The following ASB2 variants were observed in gnomAD, a reference collection of about 807,000 sequenced individuals.
The protein encoded by ASB2 is ankyrin repeat and SOCS box containing 2.
In ASB2, 58 loss-of-function variants were observed where a neutral mutation model predicts 62.4. The observed-to-expected ratio is 0.93, with a 90% CI of 0.75 to 1.16. The LOEUF (loss-of-function observed/expected upper bound fraction) is 1.16, where lower values mean the gene tolerates loss of function less well. Ranked by LOEUF, ASB2 falls within the 50% of genes most tolerant of loss-of-function variation. The pLI, the probability that ASB2 is intolerant of heterozygous loss-of-function variation, is 0.00. For synonymous variants in ASB2, 386 were observed against 385.3 expected (o/e 1.00, Z -0.02); for missense variants, 928 against 887.9 (o/e 1.05, Z -0.57).
Position 93,937,745 on chromosome 14 carries a change from T to C in ASB2, c.1724A>G (p.Glu575Gly). 1 of 1,613,098 alleles carries C rather than the reference T, an allele frequency of 6.2e-7. No individual in the cohort carries two copies. Among genetic ancestry groups the C allele is most frequent in the Non-Finnish European group, 8.5e-7 (1 of 1,179,098 alleles). ...GNVQLCSRLKEHIDSFEDWAV... is the reference protein window; with the variant it reads ...GNVQLCSRLKGHIDSFEDWAV... ...CCAGTCCTCAAAGCTGTCGATGTGT[T>C]CCTTCAGCCGCGAGCAGAGCTGCAC... The change falls in exon 9 of 10, where the codon GAA becomes GGA. Residue 575 changes from glutamate (E) to glycine (G), a missense_variant. Coordinates refer to ENST00000555019, the MANE Select transcript of ASB2 (RefSeq NM_001202429.2).
At chr14:93,964,707 A>G (rs1176103630) in intron 1 of ASB2, 95 bp from the exon 2 acceptor site, 6 of 640,620 alleles carry the variant, frequency 9.4e-6, no homozygotes, top group Non-Finnish European at 1.1e-5. Context: ...TGACAGTAAC[A>G]CATTCATTTC....
intron 3 of ASB2, 112 bp from the exon 4 acceptor site, chr14:93,954,595 TC>T: frequency 1.0e-6 from 1 of 959,452 alleles, no homozygotes; most frequent in Non-Finnish European, 1.6e-6. Context: ...CCCTGCTGGT[TC>T]CAGGATGAGC....
chr14:93,934,583 G>A lies in ASB2; in HGVS notation c.*73C>T. On this transcript the variant is annotated 3_prime_UTR_variant, in exon 10 of 10. Coordinates refer to ENST00000555019, the MANE Select transcript of ASB2 (RefSeq NM_001202429.2). ...TCGTCTGTCACCAGGTCCCCTTGGA[G>A]TTGGGAACACCGACGTCCTGAGACT... 2 of 1,524,994 alleles carry A rather than the reference G, an allele frequency of 1.3e-6. No homozygotes were observed. The highest frequency in any genetic ancestry group is 9.0e-7 in the Non-Finnish European group (1 of 1,108,004). 94.5% of individuals were successfully genotyped at this position (1,524,994 alleles called of 1,614,324 possible).
chr14:93,962,438 G>A (rs1170889065), intron 2 of ASB2, among the ~76,000 whole-genome samples: 1 of 152,118 alleles, frequency 6.6e-6, no homozygotes, highest in Non-Finnish European at 1.5e-5. Flanking sequence ...GCGCAGAACC[G>A]AACCTAGGAG....
chr14:93,955,913 T>C (rs1271700452), intron 3 of ASB2, among the ~76,000 whole-genome samples: 1 of 151,954 alleles, frequency 6.6e-6, no homozygotes, highest in African/African-American at 2.4e-5. Context: ...ATGCAGGAGG[T>C]GGCAGTAGCT....
chr14:93,947,562 G>T (rs1233061124), intron 6 of ASB2, 42 bp from the exon 7 acceptor site: 1 of 1,604,844 alleles, frequency 6.2e-7, no homozygotes, highest in Non-Finnish European at 8.5e-7. Context: ...AAGTGACCGG[G>T]AAGTTGCTGT....
chr14:93,939,876 T>A, intron 7 of ASB2: 1 of 461,234 alleles, frequency 2.2e-6, no homozygotes, highest in Non-Finnish European at 3.8e-6. Flanking sequence ...CCGTCTCCGC[T>A]TTACAGATAA....
At position 93,939,662 on chromosome 14, in the gene ASB2, T is replaced by A; in HGVS notation, c.1063A>T (p.Met355Leu). Residue 355 changes from methionine to leucine, a missense_variant, in exon 8 of 10, where the codon ATG (methionine) becomes TTG (leucine). By Grantham distance (15) the Met-to-Leu change is conservative. Coordinates refer to ENST00000555019, the MANE Select transcript of ASB2 (RefSeq NM_001202429.2). ...SKKGNYRIVQMLLPVTSRTRI... is the reference protein window; with the variant it reads ...SKKGNYRIVQLLLPVTSRTRI... Reference sequence around the variant, plus strand: ...GTGCGGCTGGTCACCGGCAGCAGCATCTGCACGATCCTGCCGGGTCGAGGG... The same window carrying A: ...GTGCGGCTGGTCACCGGCAGCAGCAACTGCACGATCCTGCCGGGTCGAGGG... 6.7e-7 allele frequency: 1 copy of A among 1,499,700 alleles called. No individual in the cohort carries two copies. The highest frequency in any genetic ancestry group is 8.8e-7 in the Non-Finnish European group (1 of 1,131,784). The allele number at this position is 1,499,700 out of a possible 1,614,324, so 92.9% of individuals were successfully genotyped here. A position where few individuals can be genotyped will look rare whatever the true frequency, so the allele number is the denominator to read the frequency against.
At chr14:93,944,635 G>T (rs1237199122) in intron 7 of ASB2, among the ~76,000 whole-genome samples, 1 of 152,256 alleles carries the variant, frequency 6.6e-6, no homozygotes, top group Non-Finnish European at 1.5e-5. Flanking sequence ...GGCAGAAGCT[G>T]CTGGGAACCA....
intron 7 of ASB2, chr14:93,943,940 T>G (rs1417538898): frequency 4.4e-6 from 2 of 455,958 alleles, no homozygotes; most frequent in East Asian, 1.4e-4. Flanking sequence ...AAAAGTGTTA[T>G]ATGTTGGAAC....
intron 5 of ASB2, among the ~76,000 whole-genome samples, chr14:93,952,322 C>T (rs1164715501): frequency 6.6e-6 from 1 of 152,188 alleles, no homozygotes; most frequent in Non-Finnish European, 1.5e-5. Flanking sequence ...CTGGGCACTC[C>T]CTTTGGACAG....
At chr14:93,960,297 C>G (rs1012739216) in intron 2 of ASB2, among the ~76,000 whole-genome samples, 2 of 152,188 alleles carry the variant, frequency 1.3e-5, no homozygotes, top group Non-Finnish European at 2.9e-5. Flanking sequence ...CCTGCTGTGT[C>G]ATCAGGTAGT....
intron 6 of ASB2, chr14:93,948,084 G>A (rs982173801): frequency 1.3e-5 from 2 of 152,644 alleles, no homozygotes; most frequent in African/African-American, 4.8e-5. Context: ...GATGATGCTG[G>A]TTTTTCCTGA....
At chr14:93,942,922 A>G (rs370119696) in intron 7 of ASB2, among the ~76,000 whole-genome samples, 68 of 152,330 alleles carry the variant, frequency 4.5e-4, no homozygotes, top group African/African-American at 1.6e-3. Flanking sequence ...GGTTGCTGTG[A>G]GCACTTTACC....
chr14:93,939,486 G>A lies in ASB2; in HGVS notation c.1239C>T (p.Ser413=), dbSNP rs947857931. 1 of 1,611,318 alleles carries A rather than the reference G, an allele frequency of 6.2e-7. No individual in the cohort carries two copies. The highest frequency in any genetic ancestry group is 1.1e-5 in the South Asian group (1 of 90,982). The part of the protein sequence containing the change: ...RARLYEDRRS[S]ALYFAVVNNN... ...TGTTGACCACCGCGAAGTACAGCGCGGAGCTGCGCCGGTCTTCGTAGAGGC... is the reference window on the plus strand; with the variant it reads ...TGTTGACCACCGCGAAGTACAGCGCAGAGCTGCGCCGGTCTTCGTAGAGGC... Residue 413 remains serine, a synonymous_variant, in exon 8 of 10, where the codon TCC becomes TCT. Coordinates refer to ENST00000555019, the MANE Select transcript of ASB2 (RefSeq NM_001202429.2).
At chr14:93,942,301 G>GC (rs1399656153) in intron 7 of ASB2, 17 of 455,792 alleles carry the variant, frequency 3.7e-5, no homozygotes, top group Non-Finnish European at 7.5e-5. Context: ...TGGAAGAATG[G>GC]CCCCCTACCC....
At chr14:93,939,883 A>G in intron 7 of ASB2, 3 of 454,520 alleles carry the variant, frequency 6.6e-6, no homozygotes, top group Non-Finnish European at 1.1e-5. Context: ...CGCTTTACAG[A>G]TAAGGAAACT....
intron 9 of ASB2, among the ~76,000 whole-genome samples, chr14:93,935,377 C>G (rs1001143417): frequency 6.6e-6 from 1 of 152,180 alleles, no homozygotes; most frequent in Non-Finnish European, 1.5e-5. Context: ...CAGGGATGAA[C>G]GCATCCAGTA....
At chr14:93,955,228 T>A in intron 3 of ASB2, 1 of 451,162 alleles carries the variant, frequency 2.2e-6, no homozygotes, top group South Asian at 1.6e-5. Context: ...GAGGCAGGCC[T>A]CATTCCCAGG....
Sources: allele counts gnomAD v4.1 joint callset (sites outside exome capture counted in the v4.1 genomes callset), GRCh38; gene constraint gnomAD v4.1.1; transcripts MANE v1.5; gene names NCBI Gene and HGNC (gene_info 2026-07-23, HGNC 2026-07-21).